FAM185A: variants seen among roughly 807,000 people sequenced by gnomAD.
FAM185A encodes the protein family with sequence similarity 185 member A.
FAM185A carries 21 observed loss-of-function variants against 45.7 expected under a neutral mutation model. That is an observed-to-expected ratio of 0.46 (90% CI 0.33 to 0.66). The LOEUF (loss-of-function observed/expected upper bound fraction) is 0.66, where lower values mean the gene tolerates loss of function less well. FAM185A is among the 30% of genes least tolerant of loss of function. FAM185A has a pLI of 0.03. For missense variants in FAM185A, 305 were observed against 485.4 expected (o/e 0.63, Z 3.49); for synonymous variants, 117 against 194.0 (o/e 0.60, Z 3.30).
chr7:102,757,761 C>T (rs1474748687), intron 2 of FAM185A, 93 bp from the exon 3 acceptor site: 1 of 1,260,600 alleles, frequency 7.9e-7, no homozygotes, highest in Non-Finnish European at 1.1e-6. Flanking sequence ...GTTGCTTTGT[C>T]AGTATTAATA....
intron 7 of FAM185A, among the ~76,000 whole-genome samples, chr7:102,789,480 G>A (rs189990046): frequency 1.6e-4 from 24 of 152,304 alleles, no homozygotes; most frequent in African/African-American, 4.1e-4. Context: ...AGGCCAAGGC[G>A]GGCAGATCGT....
At chr7:102,758,262 T>C (rs2129433227) in intron 3 of FAM185A, among the ~76,000 whole-genome samples, 1 of 152,198 alleles carries the variant, frequency 6.6e-6, no homozygotes, top group South Asian at 2.1e-4. Flanking sequence ...GATTAAGTAA[T>C]ATCACCAGTA....
chr7:102,833,588 G>A, the FAM185A span, among the ~76,000 whole-genome samples: 2 of 150,656 alleles, frequency 1.3e-5, no homozygotes, highest in South Asian at 2.1e-4. Flanking sequence ...CACCACGCCC[G>A]GCTAATTCTT....
the FAM185A span, among the ~76,000 whole-genome samples, chr7:102,842,676 G>A: frequency 6.6e-6 from 1 of 152,198 alleles, no homozygotes. Flanking sequence ...CTGGTCATAG[G>A]CCATTGTCGG....
the FAM185A span, among the ~76,000 whole-genome samples, chr7:102,833,689 C>T: frequency 6.6e-6 from 1 of 151,540 alleles, no homozygotes; most frequent in Non-Finnish European, 1.5e-5. Flanking sequence ...TCCCAAAGTG[C>T]TGGGATTATA....
intron 3 of FAM185A, among the ~76,000 whole-genome samples, 194 bp downstream of exon 3, chr7:102,758,140 CT>C (rs1299465979): frequency 6.6e-6 from 1 of 151,900 alleles, no homozygotes. Context: ...TGGTTTAATA[CT>C]TTTGACAGTT....
intron 2 of FAM185A, among the ~76,000 whole-genome samples, chr7:102,752,198 A>G (rs1430814539): frequency 1.3e-5 from 2 of 152,168 alleles, no homozygotes; most frequent in East Asian, 1.9e-4. Flanking sequence ...TTAATGTACC[A>G]GGTAGCTCAT....
At chr7:102,804,376 C>T (rs12532220) in intron 7 of FAM185A, among the ~76,000 whole-genome samples, 7,036 of 137,896 alleles carry the variant, frequency 0.051, 214 homozygotes, top group South Asian at 0.14. Context: ...AGAAATAAAC[C>T]CAAACACTTA....
At chr7:102,821,476 G>C in the FAM185A span, among the ~76,000 whole-genome samples, 1 of 152,172 alleles carries the variant, frequency 6.6e-6, no homozygotes, top group Admixed American at 6.5e-5. Context: ...AATTAAGAAA[G>C]TTCCTCTGTG....
chr7:102,785,783 G>T lies in FAM185A; in HGVS notation c.932-1552G>T, dbSNP rs542233741. Among the ~76,000 whole-genome samples the T allele has an allele frequency of 6.9e-3, 1,049 of 152,170 alleles. 3 individuals carry two copies. The highest frequency in any genetic ancestry group is 0.011 in the Non-Finnish European group (764 of 67,978). On this transcript the variant is annotated intron_variant, in intron 6 of 7. Transcript: ENST00000413034. ...ACATAGGCATGGGCAAGGACTTCAT[G>T]TCTAAAACACCAAAAGCAATGGCAA...
chr7:102,850,453 C>T, the FAM185A span, among the ~76,000 whole-genome samples: 1 of 152,068 alleles, frequency 6.6e-6, no homozygotes, highest in Non-Finnish European at 1.5e-5. Context: ...AACTGATCAC[C>T]ATATGAGAAA....
intron 5 of FAM185A, among the ~76,000 whole-genome samples, chr7:102,774,792 G>A (rs895902521): frequency 1.3e-5 from 2 of 151,960 alleles, no homozygotes; most frequent in African/African-American, 2.4e-5. Flanking sequence ...ATAGAGACAA[G>A]GTCTCACTTT....
At chr7:102,776,099 T>TACACACACACACACACATATACAC (rs1360377462) in intron 5 of FAM185A, among the ~76,000 whole-genome samples, 2 of 106,698 alleles carry the variant, frequency 1.9e-5, no homozygotes, top group Non-Finnish European at 3.5e-5. Flanking sequence ...TTGGCTCCTA[T>TACACACACACACACACATATACAC]ACACACACAC....
intron 6 of FAM185A, among the ~76,000 whole-genome samples, chr7:102,782,337 A>G (rs1000360534): frequency 5.3e-5 from 8 of 152,322 alleles, no homozygotes; most frequent in Admixed American, 2.6e-4. Flanking sequence ...CAACTCCAAG[A>G]CACATAATTG....
At chr7:102,777,500 G>C (rs1363461650) in intron 6 of FAM185A, among the ~76,000 whole-genome samples, 152 bp downstream of exon 6, 1 of 150,532 alleles carries the variant, frequency 6.6e-6, no homozygotes, top group East Asian at 1.9e-4. Flanking sequence ...TGGTCTGCTA[G>C]CTTTCTAGAC....
chr7:102,770,713 G>A (rs187955007), intron 4 of FAM185A, among the ~76,000 whole-genome samples: 91 of 152,218 alleles, frequency 6.0e-4, no homozygotes, highest in Admixed American at 1.3e-3. Flanking sequence ...AACAACAGAC[G>A]CTGGCGAGGC....
chr7:102,837,149 A>G, the FAM185A span, among the ~76,000 whole-genome samples: 3 of 152,202 alleles, frequency 2.0e-5, no homozygotes, highest in Admixed American at 1.3e-4. Flanking sequence ...GGAGAGCTAC[A>G]CTCCACCAAC....
At chr7:102,778,386 T>C (rs1045204192) in intron 6 of FAM185A, among the ~76,000 whole-genome samples, 5 of 152,292 alleles carry the variant, frequency 3.3e-5, no homozygotes, top group African/African-American at 1.2e-4. Context: ...AAATGGCATG[T>C]AAGTCATATA....
At chr7:102,774,097 C>G in intron 5 of FAM185A, among the ~76,000 whole-genome samples, 1 of 152,090 alleles carries the variant, frequency 6.6e-6, no homozygotes, top group Non-Finnish European at 1.5e-5. Context: ...AGGTAGCTCT[C>G]TCCATTTATT....
Sources: allele counts gnomAD v4.1 joint callset (sites outside exome capture counted in the v4.1 genomes callset), GRCh38; gene constraint gnomAD v4.1.1; transcripts MANE v1.5; gene names NCBI Gene and HGNC (gene_info 2026-07-23, HGNC 2026-07-21).